Variants in FMN1 observed in about 807,000 individuals in gnomAD.
FMN1 encodes the protein formin-1.
FMN1 carries 110 observed loss-of-function variants against 132.4 expected under a neutral mutation model. That is an observed-to-expected ratio of 0.83 (90% CI 0.71 to 0.97). The LOEUF (loss-of-function observed/expected upper bound fraction) is 0.97. FMN1 is among the 50% of genes least tolerant of loss of function. The pLI is 0.00. For missense variants in FMN1, 1,792 were observed against 1,705.3 expected (o/e 1.05, Z -0.90); for synonymous variants, 722 against 651.7 (o/e 1.11, Z -1.64).
At chr15:33,077,763 C>A in intron 5 of FMN1, among the ~76,000 whole-genome samples, 1 of 135,206 alleles carries the variant, frequency 7.4e-6, no homozygotes, top group Non-Finnish European at 1.6e-5. Flanking sequence ...GGCTAATATC[C>A]AGAATCTACA....
At chr15:32,801,541 T>G (rs998517826) in intron 18 of FMN1, among the ~76,000 whole-genome samples, 4 of 151,618 alleles carry the variant, frequency 2.6e-5, no homozygotes, top group African/African-American at 9.7e-5. Context: ...CCGAGGCGGG[T>G]GCATCACGAG....
chr15:32,928,631 G>C (rs2061023881), intron 9 of FMN1, among the ~76,000 whole-genome samples: 2 of 152,260 alleles, frequency 1.3e-5, no homozygotes, highest in South Asian at 2.1e-4. Context: ...AATTCAAAAA[G>C]AGAAACGTTT....
chr15:33,166,092 G>A (rs1264130860), intron 3 of FMN1, among the ~76,000 whole-genome samples: 1 of 152,096 alleles, frequency 6.6e-6, no homozygotes, highest in Non-Finnish European at 1.5e-5. Flanking sequence ...GAAGTTCTTT[G>A]GTTTGAACTT....
rs542027917 is a variant in FMN1 at position 32,827,979 on chromosome 15, T to C, written c.3929-23647A>G. 2.0e-5 allele frequency among the ~76,000 whole-genome samples: 3 copies of C among 152,154 alleles called. No individual in the cohort carries two copies. The South Asian group carries it at 6.2e-4, about 32-fold the overall frequency. Reference sequence around the variant, plus strand: ...AACATGGTTTATTCACACAACTGAATAATGTATAGTGGTTAAAAGGAATCG... The same window carrying C: ...AACATGGTTTATTCACACAACTGAACAATGTATAGTGGTTAAAAGGAATCG... On this transcript the variant is annotated intron_variant, in intron 17 of 20. Transcript: ENST00000616417.
chr15:32,785,035 C>T (rs2056805873), intron 19 of FMN1, among the ~76,000 whole-genome samples: 1 of 151,408 alleles, frequency 6.6e-6, no homozygotes, highest in South Asian at 2.1e-4. Flanking sequence ...TTCATCTGCT[C>T]ATCCTCGTTT....
intron 4 of FMN1, among the ~76,000 whole-genome samples, chr15:33,148,154 C>T (rs1340807360): frequency 2.0e-5 from 3 of 152,170 alleles, no homozygotes; most frequent in South Asian, 4.1e-4. Flanking sequence ...CCATATACCA[C>T]ATAAACACAC....
intron 5 of FMN1, among the ~76,000 whole-genome samples, chr15:33,082,093 A>ATGTGTGTGTGTGTGTGTG (rs61138142): frequency 7.5e-5 from 9 of 120,334 alleles, no homozygotes; most frequent in African/African-American, 2.1e-4. Context: ...CTGGAAAACA[A>ATGTGTGTGTGTGTGTGTG]TGTGTGTGTG....
chr15:32,768,586 C>A lies in FMN1; in HGVS notation c.*5724G>T, dbSNP rs767530035. On this transcript the variant is annotated 3_prime_UTR_variant, in exon 21 of 21. Coordinates refer to ENST00000616417, the MANE Select transcript of FMN1 (RefSeq NM_001277313.2). ...GGAAAATGTTCAGCCTATGTGAGAG[C>A]TATAGTGTGGTAGAGGTTGTTTAAT... The A allele has an allele frequency of 1.3e-5, 2 of 152,152 alleles. No homozygotes were observed. Among genetic ancestry groups the A allele is most frequent in the Non-Finnish European group, 2.9e-5 (2 of 68,044 alleles). The allele number at this position is 152,152 out of a possible 1,614,324, so 9.4% of individuals were successfully genotyped here. A position where few individuals can be genotyped will look rare whatever the true frequency, so the allele number is the denominator to read the frequency against.
chr15:32,950,099 T>C, intron 9 of FMN1, among the ~76,000 whole-genome samples: 1 of 130,444 alleles, frequency 7.7e-6, no homozygotes, highest in Non-Finnish European at 1.6e-5. Context: ...TCAACTTCAC[T>C]GGCCATTAGA....
chr15:33,070,450 T>C (rs2141275382), intron 5 of FMN1, among the ~76,000 whole-genome samples: 1 of 151,792 alleles, frequency 6.6e-6, no homozygotes, highest in Non-Finnish European at 1.5e-5. Context: ...AATTATTGAT[T>C]TCTGGAATAA....
At chr15:32,878,428 G>T (rs1373059240) in intron 16 of FMN1, among the ~76,000 whole-genome samples, 1 of 152,200 alleles carries the variant, frequency 6.6e-6, no homozygotes, top group Non-Finnish European at 1.5e-5. Context: ...AGAGAAACCT[G>T]CTTGATATGG....
intron 17 of FMN1, among the ~76,000 whole-genome samples, chr15:32,849,464 CTTTT>C (rs1185165974): frequency 6.6e-6 from 1 of 150,588 alleles, no homozygotes; most frequent in Admixed American, 6.6e-5. Flanking sequence ...TACATACAGA[CTTTT>C]TTTTTAAAAA....
intron 16 of FMN1, among the ~76,000 whole-genome samples, chr15:32,883,540 A>G (rs1281155235): frequency 2.1e-5 from 3 of 141,172 alleles, no homozygotes; most frequent in Non-Finnish European, 4.6e-5. Flanking sequence ...AAAAAAAAAA[A>G]AAGAATGAGA....
chr15:32,849,921 T>C lies in FMN1; in HGVS notation c.3928+7094A>G, dbSNP rs770966679. On this transcript the variant is annotated intron_variant, in intron 17 of 20. Transcript: ENST00000616417. ...ATCCGCCTGCCTTGGCCTCCCAAAG[T>C]GCAGGGATTACAGGCTTAAGCCACT... Among the ~76,000 whole-genome samples the C allele has an allele frequency of 1.4e-3, 220 of 152,350 alleles. 1 individual carries two copies. The highest frequency in any genetic ancestry group is 8.1e-4 in the Non-Finnish European group (55 of 68,032).
chr15:32,943,553 C>T (rs754638351), intron 9 of FMN1, among the ~76,000 whole-genome samples: 1 of 152,186 alleles, frequency 6.6e-6, no homozygotes, highest in Non-Finnish European at 1.5e-5. Context: ...TTCATAATGA[C>T]TGTTATGTTT....
chr15:32,908,908 T>C (rs1213230242), intron 11 of FMN1, among the ~76,000 whole-genome samples: 3 of 152,200 alleles, frequency 2.0e-5, no homozygotes, highest in African/African-American at 7.2e-5. Context: ...CCCCCATCTC[T>C]TCCTCTGTAA....
At chr15:33,099,780 C>G (rs2039224394) in intron 4 of FMN1, among the ~76,000 whole-genome samples, 1 of 152,164 alleles carries the variant, frequency 6.6e-6, no homozygotes, top group African/African-American at 2.4e-5. Flanking sequence ...ATCTAGTTTT[C>G]TCACTAAACA....
At chr15:32,951,076 A>T (rs1486860055) in intron 9 of FMN1, among the ~76,000 whole-genome samples, 3 of 152,280 alleles carry the variant, frequency 2.0e-5, no homozygotes, top group Non-Finnish European at 4.4e-5. Flanking sequence ...AAGTTAATGC[A>T]GTCTATTTGT....
intron 3 of FMN1, among the ~76,000 whole-genome samples, chr15:33,162,392 C>A: frequency 6.6e-6 from 1 of 150,848 alleles, no homozygotes; most frequent in Admixed American, 6.6e-5. Flanking sequence ...CAGAAAGAGA[C>A]CTATAAGGTA....
Sources: allele counts gnomAD v4.1 joint callset (sites outside exome capture counted in the v4.1 genomes callset), GRCh38; gene constraint gnomAD v4.1.1; transcripts MANE v1.5; gene names NCBI Gene and HGNC (gene_info 2026-07-23, HGNC 2026-07-21).